Variants in LRFN5 observed in about 807,000 individuals in gnomAD.
The protein encoded by LRFN5 is leucine-rich repeat and fibronectin type-III domain-containing protein 5.
Under a neutral mutation model 45.6 loss-of-function variants are expected in LRFN5, and 24 were observed. The ratio of observed to expected loss-of-function variants is 0.53; its 90% confidence interval spans 0.38 to 0.74. LRFN5 has a LOEUF of 0.74. LRFN5 is among the 30% of genes least tolerant of loss of function. The pLI is 0.00. For missense variants in LRFN5, 776 were observed against 861.5 expected, an observed-to-expected ratio of 0.90 and a Z score of 1.24; for synonymous variants, 340 against 313.8, an observed-to-expected ratio of 1.08 and a Z score of -0.88.
chr14:41,857,719 A>G (rs1420887726), intron 2 of LRFN5, among the ~76,000 whole-genome samples: 1 of 152,240 alleles, frequency 6.6e-6, no homozygotes, highest in Non-Finnish European at 1.5e-5. Context: ...TCTGAAAACA[A>G]ATTACTGTTC....
chr14:41,883,598 A>G (rs1315420291), intron 2 of LRFN5, among the ~76,000 whole-genome samples: 2 of 152,088 alleles, frequency 1.3e-5, no homozygotes, highest in African/African-American at 4.8e-5. Context: ...TCCTTTCTTC[A>G]TGGAGCACTT....
chr14:41,611,907 T>C (rs1309153280), intron 1 of LRFN5, among the ~76,000 whole-genome samples: 1 of 152,200 alleles, frequency 6.6e-6, no homozygotes, highest in African/African-American at 2.4e-5. Context: ...TATTCCCTCT[T>C]CAATTATTTT....
intron 2 of LRFN5, among the ~76,000 whole-genome samples, chr14:41,842,305 A>G (rs1228511923): frequency 6.6e-6 from 1 of 152,144 alleles, no homozygotes; most frequent in Non-Finnish European, 1.5e-5. Context: ...TACATCGTTA[A>G]ATAGACAGTG....
chr14:41,692,062 A>G (rs969058168), intron 1 of LRFN5, among the ~76,000 whole-genome samples: 3 of 152,102 alleles, frequency 2.0e-5, no homozygotes, highest in African/African-American at 7.2e-5. Context: ...CTTTAGATGT[A>G]TATATGTTTT....
intron 1 of LRFN5, among the ~76,000 whole-genome samples, chr14:41,730,143 GTTAT>G (rs1425266305): frequency 3.3e-5 from 5 of 151,952 alleles, no homozygotes; most frequent in Admixed American, 2.0e-4. Flanking sequence ...CAAATTATCA[GTTAT>G]TTATTATCTC....
intron 2 of LRFN5, among the ~76,000 whole-genome samples, chr14:41,804,309 T>G (rs1406624641): frequency 6.6e-6 from 1 of 151,990 alleles, no homozygotes; most frequent in East Asian, 1.9e-4. Flanking sequence ...ATGGTCCTAG[T>G]GTACCAAGTT....
intron 1 of LRFN5, among the ~76,000 whole-genome samples, chr14:41,743,860 T>G (rs543964073): frequency 1.3e-5 from 2 of 152,254 alleles, no homozygotes; most frequent in South Asian, 4.1e-4. Flanking sequence ...ATATATTCGT[T>G]TGTACTTTAG....
intron 1 of LRFN5, among the ~76,000 whole-genome samples, chr14:41,758,319 G>T (rs1053852561): frequency 6.6e-6 from 1 of 152,140 alleles, no homozygotes; most frequent in Non-Finnish European, 1.5e-5. Flanking sequence ...TGCTGAGATT[G>T]CAGTCCTGAA....
rs769758942 is a variant in LRFN5 at position 41,724,070 on chromosome 14, G to GTTC, written c.-196-42782_-196-42780dup. 5.9e-5 allele frequency among the ~76,000 whole-genome samples: 9 copies of GTTC among 152,126 alleles called. No homozygotes were observed. In the East Asian group the frequency reaches 1.5e-3, roughly 26 times the overall value. On this transcript the variant is annotated intron_variant, in intron 1 of 5. Transcript: ENST00000298119. ...GTGAAAAGATGAGTCACAAAAGGAG[G>GTTC]TTCTGTGCCTCTCTCACGTACTGGG...
At chr14:41,893,244 C>G (rs1052104224) in intron 4 of LRFN5, 1 of 959,308 alleles carries the variant, frequency 1.0e-6, no homozygotes, top group African/African-American at 1.8e-5. Flanking sequence ...TAATGTTGCT[C>G]CTGGATAATA....
chr14:41,849,588 T>A (rs552167554), intron 2 of LRFN5, among the ~76,000 whole-genome samples: 1 of 152,086 alleles, frequency 6.6e-6, no homozygotes, highest in South Asian at 2.1e-4. Flanking sequence ...CTCCCTCTGT[T>A]CCAAATGATT....
chr14:41,784,279 C>T (rs1328277107), intron 2 of LRFN5, among the ~76,000 whole-genome samples: 1 of 152,118 alleles, frequency 6.6e-6, no homozygotes, highest in Non-Finnish European at 1.5e-5. Flanking sequence ...ATAACACACT[C>T]ATAATTAGCA....
intron 2 of LRFN5, among the ~76,000 whole-genome samples, chr14:41,873,427 G>A (rs201045658): frequency 7.4e-6 from 1 of 135,798 alleles, no homozygotes; most frequent in East Asian, 7.4e-4. Flanking sequence ...GACAGAGAGA[G>A]AGAGAGAGAG....
At chr14:41,762,891 G>A (rs1042742750) in intron 1 of LRFN5, among the ~76,000 whole-genome samples, 2 of 152,010 alleles carry the variant, frequency 1.3e-5, no homozygotes, top group Admixed American at 1.3e-4. Context: ...TTAACACAAA[G>A]TAAATATAGC....
At chr14:41,646,978 T>A (rs970401941) in intron 1 of LRFN5, among the ~76,000 whole-genome samples, 7 of 152,214 alleles carry the variant, frequency 4.6e-5, no homozygotes, top group African/African-American at 1.7e-4. Context: ...AAGAGAGTCC[T>A]TTTGTTTTCC....
chr14:41,892,472 A>G, intron 4 of LRFN5: 1 of 980,798 alleles, frequency 1.0e-6, no homozygotes, highest in Non-Finnish European at 1.2e-6. Context: ...GTTGTAGAAA[A>G]AAGTATTGCA....
chr14:41,722,947 A>C (rs1249348539), intron 1 of LRFN5, among the ~76,000 whole-genome samples: 2 of 152,186 alleles, frequency 1.3e-5, no homozygotes, highest in East Asian at 3.9e-4. Flanking sequence ...AGGGAGAATC[A>C]AATGGGTAGC....
chr14:41,895,036 C>A (rs1026847326), intron 4 of LRFN5: 1 of 984,254 alleles, frequency 1.0e-6, no homozygotes, highest in Admixed American at 6.2e-5. Context: ...ATTATAGTTT[C>A]AGCTTGTTCA....
At chr14:41,759,520 C>CATTTT (rs200210084) in intron 1 of LRFN5, among the ~76,000 whole-genome samples, 1,961 of 149,248 alleles carry the variant, frequency 0.013, 18 homozygotes, top group Non-Finnish European at 0.022. Context: ...CAGAAAACAG[C>CATTTT]ATTTTATTTT....
Sources: allele counts gnomAD v4.1 joint callset (sites outside exome capture counted in the v4.1 genomes callset), GRCh38; gene constraint gnomAD v4.1.1; transcripts MANE v1.5; gene names NCBI Gene and HGNC (gene_info 2026-07-23, HGNC 2026-07-21).